KLF12: variants seen among roughly 807,000 people sequenced by gnomAD.
KLF12 encodes KLF transcription factor 12, also known as Krueppel-like factor 12.
Under a neutral mutation model 37.8 loss-of-function variants are expected in KLF12, and 9 were observed. That is an observed-to-expected ratio of 0.24 (90% CI 0.14 to 0.42). The LOEUF (loss-of-function observed/expected upper bound fraction) is 0.42. Among genes scored for constraint, KLF12 ranks in the 10% least tolerant of loss-of-function variants. KLF12 has a pLI of 1.00. For synonymous variants in KLF12, 208 were observed against 202.1 expected (o/e 1.03, Z -0.25); for missense variants, 411 against 516.0 (o/e 0.80, Z 1.97).
intron 5 of KLF12, among the ~76,000 whole-genome samples, chr13:73,811,382 T>C (rs997565256): frequency 1.3e-5 from 2 of 152,214 alleles, no homozygotes; most frequent in Non-Finnish European, 2.9e-5. Context: ...TTACCATTTA[T>C]TATGTGACTG....
the KLF12 span, among the ~76,000 whole-genome samples, chr13:74,253,657 G>T: frequency 1.3e-5 from 2 of 152,140 alleles, no homozygotes; most frequent in African/African-American, 4.8e-5. Context: ...TTGCCAGCCT[G>T]TTAGAGCACA....
the KLF12 span, among the ~76,000 whole-genome samples, chr13:74,163,839 G>GTA: frequency 0.83 from 123,957 of 149,116 alleles, 51,777 homozygotes; most frequent in East Asian, 1. Context: ...TGTGCACCCC[G>GTA]TATATATATA....
chr13:74,166,587 G>A, the KLF12 span, among the ~76,000 whole-genome samples: 9 of 152,004 alleles, frequency 5.9e-5, no homozygotes, highest in South Asian at 2.1e-4. Flanking sequence ...TTAGAAAACC[G>A]ACATATAAGT....
At chr13:73,825,507 AC>A (rs1164433870) in intron 4 of KLF12, among the ~76,000 whole-genome samples, 1 of 152,212 alleles carries the variant, frequency 6.6e-6, no homozygotes, top group Non-Finnish European at 1.5e-5. Flanking sequence ...CTGGGCTTAC[AC>A]TAACTTCTTT....
Position 73,845,911 on chromosome 13 carries a change from C to T in KLF12, c.586G>A (p.Val196Ile), listed in dbSNP as rs766424247. ...CCAGGTGACCTTACAGCTGTGTAGA[C>T]AACAGGCACCGACTGTACCACCACG... The change falls in exon 4 of 8, where the codon GTC (valine) becomes ATC (isoleucine). Residue 196 changes from valine (V) to isoleucine (I), a missense_variant. Around this residue, in one of 2 missense-constraint regions of KLF12, gnomAD observed 351 missense variants for 397.8 expected, o/e 0.88. Coordinates refer to ENST00000377669, the MANE Select transcript of KLF12 (RefSeq NM_007249.5). 19 of 1,614,106 alleles carry T rather than the reference C, an allele frequency of 1.2e-5. No homozygotes were observed. The highest frequency in any genetic ancestry group is 1.6e-5 in the Non-Finnish European group (19 of 1,180,000).
chr13:73,843,849 A>G (rs1884879018), intron 4 of KLF12, among the ~76,000 whole-genome samples: 1 of 152,180 alleles, frequency 6.6e-6, no homozygotes, highest in Non-Finnish European at 1.5e-5. Context: ...TGAGAAAACT[A>G]CTGAGTAAAA....
chr13:73,910,515 T>C (rs1042476917), intron 3 of KLF12, among the ~76,000 whole-genome samples: 29 of 152,260 alleles, frequency 1.9e-4, no homozygotes, highest in South Asian at 1.7e-3. Context: ...GTGAACTATA[T>C]AGCAATGAAT....
intron 2 of KLF12, chr13:73,961,959 T>C (rs755701882): frequency 1.3e-5 from 6 of 451,092 alleles, no homozygotes; most frequent in Non-Finnish European, 2.2e-5. Flanking sequence ...AAATATATTC[T>C]TACCATAAGA....
chr13:73,872,425 T>C (rs1886514217), intron 3 of KLF12, among the ~76,000 whole-genome samples: 1 of 152,240 alleles, frequency 6.6e-6, no homozygotes, highest in African/African-American at 2.4e-5. Flanking sequence ...AGACAGTATA[T>C]GGATTACTAA....
At chr13:74,302,452 T>C in the KLF12 span, among the ~76,000 whole-genome samples, 33 of 152,138 alleles carry the variant, frequency 2.2e-4, no homozygotes, top group Admixed American at 2.2e-3. Context: ...CAGTTATCAG[T>C]GTAGGTTCTC....
chr13:74,299,519 A>T, the KLF12 span, among the ~76,000 whole-genome samples: 1 of 152,190 alleles, frequency 6.6e-6, no homozygotes, highest in Admixed American at 6.5e-5. Flanking sequence ...CTGTTTTTCA[A>T]ATAATATCAA....
chr13:74,268,530 C>T, the KLF12 span, among the ~76,000 whole-genome samples: 8 of 152,270 alleles, frequency 5.3e-5, no homozygotes, highest in Non-Finnish European at 7.4e-5. Context: ...ACCCTATCAT[C>T]CCAAAGCAGC....
At chr13:73,908,863 A>T (rs1020867777) in intron 3 of KLF12, among the ~76,000 whole-genome samples, 1 of 152,188 alleles carries the variant, frequency 6.6e-6, no homozygotes, top group Non-Finnish European at 1.5e-5. Context: ...CAAAGAAATA[A>T]GTTCATGATT....
the KLF12 span, among the ~76,000 whole-genome samples, chr13:74,165,491 G>T: frequency 6.6e-6 from 1 of 151,752 alleles, no homozygotes. Context: ...TAGAGATGGG[G>T]TTTCACCGTG....
chr13:73,707,180 T>C (rs1380846864), intron 7 of KLF12, among the ~76,000 whole-genome samples: 1 of 152,156 alleles, frequency 6.6e-6, no homozygotes, highest in Non-Finnish European at 1.5e-5. Context: ...AAACCAGAGT[T>C]TCAATCCTGG....
chr13:73,836,440 A>C (rs1210292214), intron 4 of KLF12, among the ~76,000 whole-genome samples: 1 of 152,178 alleles, frequency 6.6e-6, no homozygotes, highest in Non-Finnish European at 1.5e-5. Flanking sequence ...TTCTAAGACT[A>C]AGTTTCCCTC....
At chr13:73,699,070 A>T (rs1278356193) in intron 7 of KLF12, among the ~76,000 whole-genome samples, 1 of 151,898 alleles carries the variant, frequency 6.6e-6, no homozygotes, top group Non-Finnish European at 1.5e-5. Context: ...CTCTTAGAAG[A>T]CTCACCCACT....
At chr13:74,109,307 A>AT (rs1164758907) in intron 1 of KLF12, among the ~76,000 whole-genome samples, 3,065 of 147,148 alleles carry the variant, frequency 0.021, 101 homozygotes, top group African/African-American at 0.069. Flanking sequence ...GTTAATGTCA[A>AT]TTTTTTTTTT....
the KLF12 span, among the ~76,000 whole-genome samples, chr13:74,256,154 CAAA>C: frequency 1.1e-4 from 8 of 75,584 alleles, no homozygotes; most frequent in Admixed American, 1.5e-4. Context: ...GACTCTGTCT[CAAA>C]AAAAAAAAAA....
Sources: gnomAD v4.1 joint callset for allele counts (sites outside exome capture counted in the v4.1 genomes callset) on GRCh38, gnomAD v4.1.1 for gene constraint, gnomAD v4.1.1 regional missense constraint, MANE v1.5 for transcripts, NCBI Gene and HGNC (gene_info 2026-07-23, HGNC 2026-07-21) for gene names.